The following PLAC8L1 variants were observed in gnomAD, a reference collection of about 807,000 sequenced individuals.
The protein encoded by PLAC8L1 is PLAC8-like protein 1.
In PLAC8L1, 13 loss-of-function variants were observed where a neutral mutation model predicts 16.3. The ratio of observed to expected loss-of-function variants is 0.80; its 90% CI spans 0.52 to 1.27. The LOEUF (loss-of-function observed/expected upper bound fraction) is 1.27, where lower values mean the gene tolerates loss of function less well. Among genes scored for constraint, PLAC8L1 ranks in the 50% most tolerant of loss-of-function variants. The pLI, the probability that PLAC8L1 is intolerant of heterozygous loss-of-function variation, is 0.00. For synonymous variants in PLAC8L1, 78 were observed against 79.3 expected (o/e 0.98, Z 0.09); for missense variants, 184 against 220.2 (o/e 0.84, Z 1.04).
chr5:146,086,024 C>CTTTTTTTTTTTTTTTTTTTTTTT (rs58130114), intron 2 of PLAC8L1, among the ~76,000 whole-genome samples: 1 of 90,396 alleles, frequency 1.1e-5, no homozygotes, highest in African/African-American at 4.6e-5. Flanking sequence ...ATTGAAAGGT[C>CTTTTTTTTTTTTTTTTTTTTTTT]TTTTTTTTTT....
intron 1 of PLAC8L1, 77 bp downstream of exon 1, chr5:146,104,116 T>C (rs12188066): frequency 0.35 from 541,592 of 1,534,784 alleles, 97,775 homozygotes; most frequent in Admixed American, 0.46. Flanking sequence ...TTTTCCCTGG[T>C]TCCTTATAAG....
rs768954602 is a variant in PLAC8L1 at position 146,105,368 on chromosome 5, G to A, written c.-1057C>T. ...CTTCATAACTGCCTTCAATCATGGG[G>A]TTCTGGGCAACTGTCATTGTCTTCT... On this transcript the variant is annotated 5_prime_UTR_variant, in exon 1 of 4. Coordinates refer to ENST00000311450, the MANE Select transcript of PLAC8L1 (RefSeq NM_001029869.3). 2.6e-5 allele frequency among the ~76,000 whole-genome samples: 4 copies of A among 151,946 alleles called. No homozygotes were observed. Among genetic ancestry groups the A allele is most frequent in the Admixed American group, 6.6e-5 (1 of 15,226 alleles).
At chr5:146,088,794 T>C (rs1457594703) in intron 2 of PLAC8L1, among the ~76,000 whole-genome samples, 1 of 152,164 alleles carries the variant, frequency 6.6e-6, no homozygotes, top group African/African-American at 2.4e-5. Flanking sequence ...CCAGCCCGGA[T>C]ACCTGGTATG....
chr5:146,098,693 A>AT (rs1270174940), intron 1 of PLAC8L1, among the ~76,000 whole-genome samples: 1 of 152,132 alleles, frequency 6.6e-6, no homozygotes, highest in Non-Finnish European at 1.5e-5. Flanking sequence ...ACCTCATGAG[A>AT]TTATTGTGTC....
In PLAC8L1 at chr5:146,104,217, T is replaced by A. The variant is rs1326444657; in HGVS notation, c.95A>T (p.Asp32Val). The A allele has an allele frequency of 6.2e-7, 1 of 1,613,848 alleles. No individual in the cohort carries two copies. The highest frequency in any genetic ancestry group is 8.5e-7 in the Non-Finnish European group (1 of 1,179,836). The part of the protein sequence containing the change: ...SPLLSHMSSE[D>V]EHFISNLRGH... ...CCTCAAGTTGGAAATAAAATGTTCA[T>A]CTTCAGATGACATGTGTGACAACAG... The change falls in exon 1 of 4, where the codon GAT becomes GTT. Residue 32 changes from aspartate (D) to valine (V), a missense_variant. Physicochemically the swap from Asp to Val is radical, Grantham distance 152 (BLOSUM62 -3). Coordinates refer to ENST00000311450, the MANE Select transcript of PLAC8L1 (RefSeq NM_001029869.3).
Position 146,105,531 on chromosome 5 carries a change from T to C in PLAC8L1, c.-1220A>G, listed in dbSNP as rs1763894660. On this transcript the variant is annotated 5_prime_UTR_variant, in exon 1 of 4. Coordinates refer to ENST00000311450, the MANE Select transcript of PLAC8L1 (RefSeq NM_001029869.3). ...GAATAAATGTGCCCTACATGAAAAT[T>C]CAGGTTTATAAGAATAACAGAAATT... Among the ~76,000 whole-genome samples, 1 of 131,334 alleles carries C rather than the reference T, an allele frequency of 7.6e-6. No individual in the cohort carries two copies. The highest frequency in any genetic ancestry group is 9.4e-5 in the Admixed American group (1 of 10,622). The allele number at this position is 131,334 out of a possible 152,430, so 86.2% of individuals were successfully genotyped here.
chr5:146,101,263 G>A (rs55782203), intron 1 of PLAC8L1, among the ~76,000 whole-genome samples: 33,614 of 149,826 alleles, frequency 0.22, 4,798 homozygotes, highest in Admixed American at 0.34. Flanking sequence ...CTACATGCAC[G>A]TACAGAGAAA....
At chr5:146,086,190 C>T (rs1382589264) in intron 2 of PLAC8L1, among the ~76,000 whole-genome samples, 2 of 151,060 alleles carry the variant, frequency 1.3e-5, no homozygotes, top group Non-Finnish European at 1.5e-5. Flanking sequence ...CCACTACGCC[C>T]GGCTAATTTT....
intron 2 of PLAC8L1, among the ~76,000 whole-genome samples, chr5:146,094,548 G>A (rs1024133585): frequency 5.3e-5 from 8 of 152,174 alleles, no homozygotes; most frequent in African/African-American, 1.9e-4. Flanking sequence ...AACCTTCTCT[G>A]AGGCCACATC....
intron 2 of PLAC8L1, among the ~76,000 whole-genome samples, chr5:146,090,402 G>A (rs1196954370): frequency 6.6e-6 from 1 of 151,360 alleles, no homozygotes; most frequent in East Asian, 2.0e-4. Flanking sequence ...GGTGGTAGTG[G>A]CGTGTGCCTG....
intron 2 of PLAC8L1, among the ~76,000 whole-genome samples, chr5:146,085,908 T>C (rs541062038): frequency 7.9e-5 from 12 of 152,242 alleles, no homozygotes; most frequent in African/African-American, 2.9e-4. Context: ...TACATTTGAA[T>C]CATAACTGTT....
intron 1 of PLAC8L1, among the ~76,000 whole-genome samples, chr5:146,101,604 C>A (rs888573465): frequency 6.6e-6 from 1 of 152,206 alleles, no homozygotes; most frequent in Non-Finnish European, 1.5e-5. Flanking sequence ...ATAAGTATTT[C>A]TTGGGCTGGA....
intron 3 of PLAC8L1, among the ~76,000 whole-genome samples, chr5:146,084,841 T>C (rs1279064337): frequency 6.6e-6 from 1 of 152,254 alleles, no homozygotes; most frequent in Non-Finnish European, 1.5e-5. Flanking sequence ...TTCTTGGTTC[T>C]TTCTCTTAGA....
intron 2 of PLAC8L1, among the ~76,000 whole-genome samples, chr5:146,091,846 T>C (rs540136546): frequency 6.6e-6 from 1 of 152,260 alleles, no homozygotes; most frequent in Middle Eastern, 3.4e-3. Context: ...GATTCCCTTT[T>C]CTGTAATGTT....
At chr5:146,100,548 G>T (rs1461815553) in intron 1 of PLAC8L1, among the ~76,000 whole-genome samples, 3 of 152,052 alleles carry the variant, frequency 2.0e-5, no homozygotes, top group African/African-American at 7.2e-5. Flanking sequence ...TTAACATTTT[G>T]AAAATTTGTA....
At chr5:146,088,884 G>C (rs1376593584) in intron 2 of PLAC8L1, among the ~76,000 whole-genome samples, 1 of 152,140 alleles carries the variant, frequency 6.6e-6, no homozygotes, top group Non-Finnish European at 1.5e-5. Context: ...CCTTGAATTA[G>C]GGGATTTTGA....
At chr5:146,096,570 G>A (rs1763721299) in intron 2 of PLAC8L1, among the ~76,000 whole-genome samples, 1 of 152,182 alleles carries the variant, frequency 6.6e-6, no homozygotes, top group Non-Finnish European at 1.5e-5. Flanking sequence ...TACATGGCCA[G>A]TAAGAGCCAG....
In PLAC8L1 at chr5:146,104,416, T is replaced by TATTAA; in HGVS notation, c.-106_-105insTTAAT. 2.2e-6 allele frequency: 2 copies of TATTAA among 920,304 alleles called. No homozygotes were observed. Among genetic ancestry groups the TATTAA allele is most frequent in the Non-Finnish European group, 3.5e-6 (2 of 564,280 alleles). The allele number at this position is 920,304 out of a possible 1,614,324, so 57.0% of individuals were successfully genotyped here. A position where few individuals can be genotyped will look rare whatever the true frequency, so the allele number is the denominator to read the frequency against. ...CAAAGTGAAACATCTCTTGAAAGAA[T>TATTAA]GTTCCCTTAATATTCTGGAACCTGA... On this transcript the variant is annotated 5_prime_UTR_variant, in exon 1 of 4. It removes the in-frame stop codon of an upstream open reading frame in the 5' UTR. Transcript: ENST00000311450.
At chr5:146,096,304 C>T (rs1195660735) in intron 2 of PLAC8L1, among the ~76,000 whole-genome samples, 1 of 152,160 alleles carries the variant, frequency 6.6e-6, no homozygotes, top group African/African-American at 2.4e-5. Flanking sequence ...AATTTGACTA[C>T]ATTGTAAAGA....
Sources: allele counts gnomAD v4.1 joint callset (sites outside exome capture counted in the v4.1 genomes callset), GRCh38; gene constraint gnomAD v4.1.1; transcripts MANE v1.5; gene names NCBI Gene and HGNC (gene_info 2026-07-23, HGNC 2026-07-21).